Variants in SLC9C2 observed in about 807,000 individuals in gnomAD.
SLC9C2 encodes the protein sodium/hydrogen exchanger 11.
In SLC9C2, 75 loss-of-function variants were observed where a neutral mutation model predicts 140.2. That is an observed-to-expected ratio of 0.53 (90% CI 0.44 to 0.65). SLC9C2 has a LOEUF of 0.65. SLC9C2 is among the 30% of genes least tolerant of loss of function. The probability of loss-of-function intolerance (pLI) is 0.00; values close to 1 mark genes in which losing one functional copy is unlikely to be tolerated. For synonymous variants in SLC9C2, 375 were observed against 420.9 expected, an observed-to-expected ratio of 0.89 and a Z score of 1.34; for missense variants, 1,074 against 1,331.8, an observed-to-expected ratio of 0.81 and a Z score of 3.01.
intron 11 of SLC9C2, among the ~76,000 whole-genome samples, chr1:173,552,635 T>C (rs1340149481): frequency 6.6e-6 from 1 of 152,234 alleles, no homozygotes; most frequent in East Asian, 1.9e-4. Flanking sequence ...CACATCTCTT[T>C]ATAGCATGGT....
At chr1:173,538,549 T>C (rs1016555637) in intron 13 of SLC9C2, among the ~76,000 whole-genome samples, 1 of 152,140 alleles carries the variant, frequency 6.6e-6, no homozygotes, top group African/African-American at 2.4e-5. Flanking sequence ...TAGATGCTTA[T>C]ATGATAAAAC....
rs1454140914 is a variant in SLC9C2, at chr1:173,505,300, A to T, written c.3257T>A (p.Leu1086Gln). Residue 1086 changes from leucine (L) to glutamine (Q), a missense_variant, in exon 26 of 28, where the codon CTG becomes CAG. Coordinates refer to ENST00000367714, the MANE Select transcript of SLC9C2 (RefSeq NM_178527.4). ...VQGTSDLSKLLIIQASELTQR... is the reference protein window; with the variant it reads ...VQGTSDLSKLQIIQASELTQR... Reference sequence around the variant, plus strand: ...GGTAAGCTCAGATGCTTGGATTATCAGCAGCTTGCTTAAATCAGAAGTTCC... The same window carrying T: ...GGTAAGCTCAGATGCTTGGATTATCTGCAGCTTGCTTAAATCAGAAGTTCC... The T allele has an allele frequency of 6.2e-7, 1 of 1,614,030 alleles. No homozygotes were observed. The highest frequency in any genetic ancestry group is 8.5e-7 in the Non-Finnish European group (1 of 1,180,000).
intron 5 of SLC9C2, among the ~76,000 whole-genome samples, chr1:173,586,682 T>C (rs1665867993): frequency 1.3e-5 from 2 of 152,170 alleles, no homozygotes; most frequent in Admixed American, 1.3e-4. Context: ...ATAAACACCA[T>C]GGAACACTAT....
chr1:173,569,150 G>C (rs1571582241), intron 9 of SLC9C2, among the ~76,000 whole-genome samples: 1 of 151,924 alleles, frequency 6.6e-6, no homozygotes, highest in East Asian at 1.9e-4. Context: ...AGTCTGTAAG[G>C]TTTCCACCGA....
chr1:173,503,132 C>A, intron 27 of SLC9C2, 134 bp downstream of exon 27: 1 of 574,392 alleles, frequency 1.7e-6, no homozygotes, highest in Non-Finnish European at 3.0e-6. Flanking sequence ...CTAATTTGTC[C>A]AAATTAATGA....
chr1:173,503,442 T>G, intron 26 of SLC9C2, 116 bp from the exon 27 acceptor site: 1 of 927,212 alleles, frequency 1.1e-6, no homozygotes, highest in East Asian at 2.6e-5. Flanking sequence ...CCCTTTTCCC[T>G]TCCCCCTCTC....
At position 173,521,710 on chromosome 1, in the gene SLC9C2, G is replaced by C. The variant is rs991101993; in HGVS notation, c.2641-311C>G. 2.0e-5 allele frequency among the ~76,000 whole-genome samples: 3 copies of C among 151,434 alleles called. No homozygotes were observed. The South Asian group carries it at 6.2e-4, about 31-fold the overall frequency. ...TAGCATAGTAACTGATATAACTATG[G>C]AATAAATATGCATATTTATGAATGA... On this transcript the variant is annotated intron_variant, in intron 21 of 27. Coordinates refer to ENST00000367714, the MANE Select transcript of SLC9C2 (RefSeq NM_178527.4).
At chr1:173,523,781 A>T (rs1199396524) in intron 21 of SLC9C2, among the ~76,000 whole-genome samples, 188 bp downstream of exon 21, 2 of 152,212 alleles carry the variant, frequency 1.3e-5, no homozygotes, top group African/African-American at 4.8e-5. Flanking sequence ...CCATTGTGAA[A>T]AACTATCTTT....
intron 5 of SLC9C2, 94 bp from the exon 6 acceptor site, chr1:173,583,716 G>A (rs572390361): frequency 4.4e-6 from 3 of 686,872 alleles, no homozygotes; most frequent in African/African-American, 1.9e-5. Context: ...AACAGAAAAA[G>A]AAAAAAGAGA....
At chr1:173,594,350 T>C (rs1259652279) in intron 4 of SLC9C2, among the ~76,000 whole-genome samples, 2 of 152,216 alleles carry the variant, frequency 1.3e-5, no homozygotes, top group Non-Finnish European at 2.9e-5. Context: ...TTTCAGAAGA[T>C]AAATATGCTA....
chr1:173,586,531 A>G (rs1447664485), intron 5 of SLC9C2, among the ~76,000 whole-genome samples: 4 of 152,234 alleles, frequency 2.6e-5, no homozygotes, highest in African/African-American at 9.6e-5. Flanking sequence ...ATTACTGGGT[A>G]TATACCCAAA....
At position 173,520,673 on chromosome 1, in the gene SLC9C2, T is replaced by C. The variant is rs144542805; in HGVS notation, c.2739+628A>G. Among the ~76,000 whole-genome samples, 750 of 152,362 alleles carry C rather than the reference T, an allele frequency of 4.9e-3. 7 individuals are homozygous for C. Among genetic ancestry groups the C allele is most frequent in the African/African-American group, 0.017 (710 of 41,586 alleles). On this transcript the variant is annotated intron_variant, in intron 22 of 27. Coordinates refer to ENST00000367714, the MANE Select transcript of SLC9C2 (RefSeq NM_178527.4). Reference sequence around the variant, plus strand: ...TAAGTGTTATATTGTGTTAGTATTCTATTTATTATGGTAGTTTATTTCCAT... The same window carrying C: ...TAAGTGTTATATTGTGTTAGTATTCCATTTATTATGGTAGTTTATTTCCAT...
chr1:173,516,304 A>C (rs771668248), intron 23 of SLC9C2, among the ~76,000 whole-genome samples: 7 of 152,250 alleles, frequency 4.6e-5, no homozygotes, highest in Admixed American at 2.6e-4. Flanking sequence ...GTTTAAAAAC[A>C]AACAAGTATT....
At chr1:173,523,431 G>A (rs1360797482) in intron 21 of SLC9C2, among the ~76,000 whole-genome samples, 3 of 152,190 alleles carry the variant, frequency 2.0e-5, no homozygotes, top group African/African-American at 7.2e-5. Context: ...GACTTCATCT[G>A]TTTTGTTTAC....
At chr1:173,511,473 G>A (rs1205592076) in intron 23 of SLC9C2, among the ~76,000 whole-genome samples, 1 of 152,028 alleles carries the variant, frequency 6.6e-6, no homozygotes. Context: ...CTTTTGAAAG[G>A]TGTCTGTTCA....
chr1:173,573,404 T>C (rs1558079893), intron 8 of SLC9C2, 79 bp from the exon 9 acceptor site: 1 of 1,039,540 alleles, frequency 9.6e-7, no homozygotes, highest in Admixed American at 3.0e-5. Context: ...AAATCATATA[T>C]CTTATATCTA....
At chr1:173,599,042 G>T (rs1666605345) in intron 3 of SLC9C2, among the ~76,000 whole-genome samples, 1 of 152,206 alleles carries the variant, frequency 6.6e-6, no homozygotes, top group Non-Finnish European at 1.5e-5. Context: ...TATGAAGTGT[G>T]TTTTACATTG....
intron 20 of SLC9C2, 23 bp downstream of exon 20, chr1:173,524,756 C>A: frequency 6.2e-7 from 1 of 1,610,656 alleles, no homozygotes; most frequent in African/African-American, 1.3e-5. Flanking sequence ...GGGTGTTATG[C>A]GGACAGAATC....
chr1:173,526,865 A>G (rs1661239608), intron 18 of SLC9C2, 151 bp from the exon 19 acceptor site: 2 of 652,232 alleles, frequency 3.1e-6, no homozygotes. Context: ...TTATTTTTTG[A>G]GACAGAGTCT....
Sources: allele counts gnomAD v4.1 joint callset (sites outside exome capture counted in the v4.1 genomes callset), GRCh38; gene constraint gnomAD v4.1.1; transcripts MANE v1.5; gene names NCBI Gene and HGNC (gene_info 2026-07-23, HGNC 2026-07-21).